TRAF3IP1: variants seen among roughly 807,000 people sequenced by gnomAD.
TRAF3IP1 encodes the protein intraflagellar transport 54.
In TRAF3IP1, 53 loss-of-function variants were observed where a neutral mutation model predicts 89.9. The observed-to-expected ratio is 0.59, with a 90% CI of 0.47 to 0.74. The LOEUF is 0.74. Among genes scored for constraint, TRAF3IP1 ranks in the 30% least tolerant of loss-of-function variants. The pLI, the probability that TRAF3IP1 is intolerant of heterozygous loss-of-function variation, is 0.00. For missense variants in TRAF3IP1, 806 were observed against 866.1 expected (o/e 0.93, Z 0.87); for synonymous variants, 311 against 322.1 (o/e 0.97, Z 0.37).
At position 238,399,073 on chromosome 2, in the gene TRAF3IP1, C is replaced by T; in HGVS notation, c.*154C>T. 1.5e-6 allele frequency: 1 copy of T among 671,622 alleles called. No homozygotes were observed. The highest frequency in any genetic ancestry group is 2.4e-5 in the South Asian group (1 of 40,948). 41.6% of individuals were successfully genotyped at this position (671,622 alleles called of 1,614,324 possible). Reference sequence around the variant, plus strand: ...ATTTTCAGAGCTTTAAAACTGTAAGCATGTTAAGTGTATTAAAAAAACCAT... The same window carrying T: ...ATTTTCAGAGCTTTAAAACTGTAAGTATGTTAAGTGTATTAAAAAAACCAT... On this transcript the variant is annotated 3_prime_UTR_variant, in exon 17 of 17. Transcript: ENST00000373327.
At chr2:238,397,362 T>C in intron 15 of TRAF3IP1, 97 bp from the exon 16 acceptor site, 1 of 1,079,328 alleles carries the variant, frequency 9.3e-7, no homozygotes, top group Non-Finnish European at 1.4e-6. Context: ...CCTGCGCCTT[T>C]CCTCCCAGCC....
chr2:238,361,319 C>T (rs1699650592), intron 15 of TRAF3IP1, among the ~76,000 whole-genome samples: 1 of 152,166 alleles, frequency 6.6e-6, no homozygotes, highest in Non-Finnish European at 1.5e-5. Flanking sequence ...TGAACCACTG[C>T]ACCTGGCCAA....
intron 15 of TRAF3IP1, among the ~76,000 whole-genome samples, chr2:238,362,397 G>T (rs1172887771): frequency 6.6e-6 from 1 of 152,144 alleles, no homozygotes; most frequent in South Asian, 2.1e-4. Context: ...TGGCGTAAAT[G>T]AAGTATAAAG....
At chr2:238,370,551 C>G (rs546997789) in intron 15 of TRAF3IP1, among the ~76,000 whole-genome samples, 84 of 152,302 alleles carry the variant, frequency 5.5e-4, no homozygotes, top group Admixed American at 1.4e-3. Context: ...CTCCTGCCTC[C>G]ATTCTCCCTA....
intron 12 of TRAF3IP1, among the ~76,000 whole-genome samples, chr2:238,350,802 C>T (rs1456066210): frequency 6.6e-6 from 1 of 151,784 alleles, no homozygotes; most frequent in South Asian, 2.1e-4. Context: ...GCCTGTTCTG[C>T]AGCTGCAGTT....
At chr2:238,385,776 A>C (rs998192567) in intron 15 of TRAF3IP1, among the ~76,000 whole-genome samples, 4 of 152,302 alleles carry the variant, frequency 2.6e-5, no homozygotes, top group Admixed American at 2.6e-4. Flanking sequence ...CATCTCCTAC[A>C]TGGGAGTTTC....
At chr2:238,364,254 CT>C (rs1202772107) in intron 15 of TRAF3IP1, among the ~76,000 whole-genome samples, 2 of 152,160 alleles carry the variant, frequency 1.3e-5, no homozygotes, top group Non-Finnish European at 2.9e-5. Context: ...AAAGCCATTT[CT>C]TATTGTACTA....
intron 5 of TRAF3IP1, among the ~76,000 whole-genome samples, chr2:238,331,605 C>T (rs2106367732): frequency 6.6e-6 from 1 of 152,326 alleles, no homozygotes; most frequent in East Asian, 1.9e-4. Flanking sequence ...CTACTCGAGG[C>T]TGTTGCTTAC....
chr2:238,328,216 G>A (rs1697934329), intron 3 of TRAF3IP1, among the ~76,000 whole-genome samples: 1 of 152,142 alleles, frequency 6.6e-6, no homozygotes, highest in Admixed American at 6.5e-5. Flanking sequence ...GTGCATGAGA[G>A]CTTCAATTTC....
chr2:238,391,843 G>T (rs752186886), intron 15 of TRAF3IP1, among the ~76,000 whole-genome samples: 20 of 152,122 alleles, frequency 1.3e-4, no homozygotes, highest in Admixed American at 5.9e-4. Context: ...AAATGCACAG[G>T]AATTACTTGA....
intron 15 of TRAF3IP1, among the ~76,000 whole-genome samples, chr2:238,391,490 G>C (rs1700993646): frequency 6.6e-6 from 1 of 152,208 alleles, no homozygotes; most frequent in Non-Finnish European, 1.5e-5. Flanking sequence ...CCCCTGCTGT[G>C]TTAAATGAAA....
intron 15 of TRAF3IP1, among the ~76,000 whole-genome samples, chr2:238,372,914 G>A (rs562321719): frequency 6.6e-6 from 1 of 152,272 alleles, no homozygotes; most frequent in East Asian, 1.9e-4. Context: ...GTGTCTGTTG[G>A]CTGCATAGAT....
At position 238,369,872 on chromosome 2, in the gene TRAF3IP1, G is replaced by T. The variant is rs571766983; in HGVS notation, c.1689+13792G>T. On this transcript the variant is annotated intron_variant, in intron 15 of 16. Transcript: ENST00000373327. ...TGTGCCTTCCACTTGGACTCTGTGG[G>T]CTGTAATCTCTTACTGCCATGATTT... 6.6e-5 allele frequency among the ~76,000 whole-genome samples: 10 copies of T among 152,262 alleles called. No homozygotes were observed. In the South Asian group the frequency reaches 2.1e-3, roughly 32 times the overall value.
In TRAF3IP1 at chr2:238,393,229, T is replaced by A. The variant is rs151217251; in HGVS notation, c.1690-4230T>A. ...TTGTCACTATTTTTTATTTTAGCCA[T>A]TCTGATTGTTGTGTGGTGATGGCTC... On this transcript the variant is annotated intron_variant, in intron 15 of 16. Coordinates refer to ENST00000373327, the MANE Select transcript of TRAF3IP1 (RefSeq NM_015650.4). Among the ~76,000 whole-genome samples, 392 of 152,326 alleles carry A rather than the reference T, an allele frequency of 2.6e-3. 2 individuals are homozygous for A. The Middle Eastern group carries it at 0.031, about 12-fold the overall frequency.
intron 10 of TRAF3IP1, among the ~76,000 whole-genome samples, chr2:238,348,399 G>A (rs1044289368): frequency 6.6e-6 from 1 of 152,136 alleles, no homozygotes; most frequent in Non-Finnish European, 1.5e-5. Flanking sequence ...CTGATTGATT[G>A]TCAGTATTAC....
intron 15 of TRAF3IP1, among the ~76,000 whole-genome samples, chr2:238,388,236 G>A (rs181790395): frequency 1.1e-3 from 166 of 152,004 alleles, no homozygotes; most frequent in Non-Finnish European, 1.9e-4. Context: ...TTAGCCTGGC[G>A]TGATGATGCG....
At position 238,330,256 on chromosome 2, in the gene TRAF3IP1, G is replaced by A. The variant is rs185455297; in HGVS notation, c.915+914G>A. On this transcript the variant is annotated intron_variant, in intron 5 of 16. Transcript: ENST00000373327. ...AGGCATCAGCAGATAAGTACAATAA[G>A]ACCTGAGTTTACTGTAATTATTGTT... 4.7e-3 allele frequency among the ~76,000 whole-genome samples: 710 copies of A among 152,318 alleles called. 9 individuals carry two copies. The highest frequency in any genetic ancestry group is 0.016 in the African/African-American group (657 of 41,576).
chr2:238,350,700 A>G (rs922878317), intron 12 of TRAF3IP1, among the ~76,000 whole-genome samples: 3 of 152,212 alleles, frequency 2.0e-5, no homozygotes, highest in Non-Finnish European at 2.9e-5. Flanking sequence ...CTGCCTGCCC[A>G]TAGTGCCTGG....
At chr2:238,348,024 T>C (rs1038200228) in intron 10 of TRAF3IP1, among the ~76,000 whole-genome samples, 3 of 152,248 alleles carry the variant, frequency 2.0e-5, no homozygotes, top group Non-Finnish European at 4.4e-5. Flanking sequence ...ATATTTCTAA[T>C]ATTCAAATTC....
Sources: allele counts gnomAD v4.1 joint callset (sites outside exome capture counted in the v4.1 genomes callset), GRCh38; gene constraint gnomAD v4.1.1; transcripts MANE v1.5; gene names NCBI Gene and HGNC (gene_info 2026-07-23, HGNC 2026-07-21).